Variants in LAMC1 observed in about 807,000 individuals in gnomAD.
The protein encoded by LAMC1 is laminin subunit gamma-1.
Under a neutral mutation model 173.6 loss-of-function variants are expected in LAMC1, and 38 were observed. The observed-to-expected ratio is 0.22, with a 90% confidence interval of 0.17 to 0.29. The LOEUF is 0.29. Among genes scored for constraint, LAMC1 ranks in the 10% least tolerant of loss-of-function variants. LAMC1 has a pLI of 1.00. For synonymous variants in LAMC1, 746 were observed against 749.1 expected, an observed-to-expected ratio of 1.00 and a Z score of 0.07; for missense variants, 1,824 against 2,051.8, an observed-to-expected ratio of 0.89 and a Z score of 2.14.
chr1:183,131,254 A>T, intron 19 of LAMC1, 45 bp from the exon 20 acceptor site: 1 of 1,473,190 alleles, frequency 6.8e-7, no homozygotes, highest in Non-Finnish European at 9.5e-7. Context: ...TATTAAATGT[A>T]AATAATTCAG....
chr1:183,115,384 C>A, intron 5 of LAMC1, 136 bp from the exon 6 acceptor site: 1 of 653,742 alleles, frequency 1.5e-6, no homozygotes, highest in South Asian at 1.9e-5. Context: ...GTTTTTATTA[C>A]CTTTGTGACC....
intron 1 of LAMC1, among the ~76,000 whole-genome samples, chr1:183,052,400 C>T (rs1204650732): frequency 1.3e-5 from 2 of 151,996 alleles, no homozygotes; most frequent in African/African-American, 4.8e-5. Flanking sequence ...GTGGCATGAT[C>T]TCGGCTCAAT....
At chr1:183,079,206 C>G (rs1655196955) in intron 1 of LAMC1, among the ~76,000 whole-genome samples, 1 of 131,376 alleles carries the variant, frequency 7.6e-6, no homozygotes, top group Non-Finnish European at 1.6e-5. Context: ...CTCTGCTTAT[C>G]AAGCAACTTT....
In LAMC1 at chr1:183,023,811, G is replaced by C. The variant is rs200042425; in HGVS notation, c.95G>C (p.Cys32Ser). 152 of 1,554,692 alleles carry C rather than the reference G, an allele frequency of 9.8e-5. 1 individual carries two copies. The highest frequency in any genetic ancestry group is 2.1e-5 in the Non-Finnish European group (24 of 1,151,226). The change falls in exon 1 of 28, where the codon TGT becomes TCT. Residue 32 changes from cysteine (C) to serine (S), a missense_variant. By Grantham distance (112) the Cys-to-Ser change is moderately radical. Coordinates refer to ENST00000258341, the MANE Select transcript of LAMC1 (RefSeq NM_002293.4). ...AVLAAAAAAG[C>S]AQAAMDECTD... ...CTGGCGGCGGCCGCCGCGGCGGGCT[G>C]TGCCCAGGCAGCCATGGACGAGTGC...
intron 1 of LAMC1, among the ~76,000 whole-genome samples, chr1:183,038,191 A>G (rs1654033747): frequency 6.6e-6 from 1 of 152,032 alleles, no homozygotes; most frequent in Non-Finnish European, 1.5e-5. Flanking sequence ...GTGGGCCACC[A>G]TGCCTGGCTA....
chr1:183,093,034 C>G (rs568585336), intron 1 of LAMC1, among the ~76,000 whole-genome samples: 1 of 152,122 alleles, frequency 6.6e-6, no homozygotes, highest in Non-Finnish European at 1.5e-5. Context: ...ATCCTAGCAC[C>G]TTGGGAGGCC....
In LAMC1 at chr1:183,023,685, C is replaced by A; in HGVS notation, c.-32C>A. ...CGAGAGGAACGCGCCGGTGCCCTTG[C>A]CTTCGCCGTGACCCAGCGTGCGGGC... is the stretch of plus-strand genomic sequence containing the variant. On this transcript the variant is annotated 5_prime_UTR_variant, in exon 1 of 28. Transcript: ENST00000258341. 2 of 1,163,644 alleles carry A rather than the reference C, an allele frequency of 1.7e-6. No individual in the cohort carries two copies. Among genetic ancestry groups the A allele is most frequent in the Non-Finnish European group, 2.1e-6 (2 of 942,014 alleles). 72.1% of individuals were successfully genotyped at this position (1,163,644 alleles called of 1,614,324 possible).
rs1657144578 is a variant in LAMC1, at chr1:183,142,565, AAAC to A, written c.4606_4608del (p.Asn1536del). On this transcript the variant is annotated inframe_deletion, in exon 28 of 28. Coordinates refer to ENST00000258341, the MANE Select transcript of LAMC1 (RefSeq NM_002293.4). Reference sequence around the variant, plus strand: ...TGGATACAGTGGACCTGAATAAGCTAAACGAGATTGAAGGCACCCTAAACAAAG... The same window carrying A: ...TGGATACAGTGGACCTGAATAAGCTAGAGATTGAAGGCACCCTAAACAAAG... 6.2e-7 allele frequency: 1 copy of A among 1,613,648 alleles called. No individual in the cohort carries two copies. Among genetic ancestry groups the A allele is most frequent in the African/African-American group, 1.3e-5 (1 of 74,916 alleles).
At position 183,117,120 on chromosome 1, in the gene LAMC1, T is replaced by C. The variant is rs548425750; in HGVS notation, c.1565-200T>C. 8.9e-6 allele frequency: 6 copies of C among 677,296 alleles called. No homozygotes were observed. In the South Asian group the frequency reaches 1.4e-4, roughly 16 times the overall value. The allele number at this position is 677,296 out of a possible 1,614,324, so 42.0% of individuals were successfully genotyped here. A position where few individuals can be genotyped will look rare whatever the true frequency, so the allele number is the denominator to read the frequency against. On this transcript the variant is annotated intron_variant, in intron 8 of 27. Transcript: ENST00000258341. ...CAATGAATGGTGATTACAAATGTTA[T>C]ATAAATAGTAATAAAGTAAAATATA...
At chr1:183,085,874 T>C (rs1655414120) in intron 1 of LAMC1, among the ~76,000 whole-genome samples, 1 of 152,212 alleles carries the variant, frequency 6.6e-6, no homozygotes, top group South Asian at 2.1e-4. Context: ...TTCTACCACT[T>C]AGCTCTTTTT....
At chr1:183,069,611 T>C (rs1382227251) in intron 1 of LAMC1, among the ~76,000 whole-genome samples, 5 of 152,190 alleles carry the variant, frequency 3.3e-5, no homozygotes, top group South Asian at 2.1e-4. Flanking sequence ...AATGCCTCCT[T>C]CTTGTAGCAT....
intron 1 of LAMC1, among the ~76,000 whole-genome samples, chr1:183,101,448 T>C (rs991679526): frequency 2.0e-5 from 3 of 150,946 alleles, no homozygotes; most frequent in African/African-American, 7.3e-5. Context: ...CACTGCATCC[T>C]AGATAGAATA....
chr1:183,061,349 T>A (rs1387356537), intron 1 of LAMC1, among the ~76,000 whole-genome samples: 1 of 145,654 alleles, frequency 6.9e-6, no homozygotes, highest in African/African-American at 2.5e-5. Context: ...ATTTTTGTCT[T>A]TAGATTTTTT....
At chr1:183,091,410 A>G (rs1655563245) in intron 1 of LAMC1, among the ~76,000 whole-genome samples, 1 of 152,044 alleles carries the variant, frequency 6.6e-6, no homozygotes, top group African/African-American at 2.4e-5. Context: ...GGTGGGCTAG[A>G]TTTGATCTTC....
At position 183,124,777 on chromosome 1, in the gene LAMC1, C is replaced by T; in HGVS notation, c.2548C>T (p.Leu850=). The change falls in exon 14 of 28, where the codon CTG becomes TTG. Residue 850 remains leucine, a synonymous_variant. Coordinates refer to ENST00000258341, the MANE Select transcript of LAMC1 (RefSeq NM_002293.4). ...GNCNRLTGEC[L]KCIYNTAGFY... is the part of the protein sequence containing the mutation. ...TTGCAATCGCTTGACGGGAGAATGC[C>T]TGAAGTGCATCTATAACACTGCTGG... 1 of 1,614,176 alleles carries T rather than the reference C, an allele frequency of 6.2e-7. No individual in the cohort carries two copies. Among genetic ancestry groups the T allele is most frequent in the Non-Finnish European group, 8.5e-7 (1 of 1,180,024 alleles).
chr1:183,135,709 C>T (rs1405507889), intron 24 of LAMC1, among the ~76,000 whole-genome samples: 1 of 151,644 alleles, frequency 6.6e-6, no homozygotes, highest in Non-Finnish European at 1.5e-5. Flanking sequence ...TAGTGAGACC[C>T]CATCTCTATA....
chr1:183,101,096 T>C (rs2102067760), intron 1 of LAMC1, among the ~76,000 whole-genome samples: 1 of 152,058 alleles, frequency 6.6e-6, no homozygotes, highest in Non-Finnish European at 1.5e-5. Context: ...TTCTCTCCTT[T>C]GGCCCAGTCT....
chr1:183,046,223 C>T (rs887903461), intron 1 of LAMC1, among the ~76,000 whole-genome samples: 8 of 152,004 alleles, frequency 5.3e-5, no homozygotes, highest in Admixed American at 4.6e-4. Context: ...TTAAGTTTAT[C>T]TGGAGTCGAT....
intron 1 of LAMC1, among the ~76,000 whole-genome samples, chr1:183,055,867 G>A (rs1571412551): frequency 6.6e-6 from 1 of 152,112 alleles, no homozygotes; most frequent in Non-Finnish European, 1.5e-5. Flanking sequence ...GTGGTGTTTG[G>A]TGCAAAGCAA....
Sources: allele counts gnomAD v4.1 joint callset (sites outside exome capture counted in the v4.1 genomes callset), GRCh38; gene constraint gnomAD v4.1.1; transcripts MANE v1.5; gene names NCBI Gene and HGNC (gene_info 2026-07-23, HGNC 2026-07-21).